Variants in LUC7L observed in about 807,000 individuals in gnomAD.
The protein encoded by LUC7L is putative RNA-binding protein Luc7-like 1.
In LUC7L, 29 loss-of-function variants were observed where a neutral mutation model predicts 51.1. That is an observed-to-expected ratio of 0.57 (90% confidence interval 0.42 to 0.77). The LOEUF (loss-of-function observed/expected upper bound fraction) is 0.77. Ranked by LOEUF, LUC7L falls within the 30% of genes least tolerant of loss-of-function variation. The probability of loss-of-function intolerance (pLI) is 0.00; values close to 1 mark genes in which losing one functional copy is unlikely to be tolerated. For synonymous variants in LUC7L, 181 were observed against 180.7 expected (o/e 1.00, Z -0.01); for missense variants, 403 against 511.9 (o/e 0.79, Z 2.05).
At chr16:210,808 T>C (rs2049615758) in intron 3 of LUC7L, among the ~76,000 whole-genome samples, 2 of 150,766 alleles carry the variant, frequency 1.3e-5, no homozygotes, top group African/African-American at 2.4e-5. Flanking sequence ...TCCCAGCACT[T>C]TGGGAGGCTG....
chr16:225,270 G>A (rs2050097865), intron 2 of LUC7L, among the ~76,000 whole-genome samples: 1 of 151,856 alleles, frequency 6.6e-6, no homozygotes, highest in Non-Finnish European at 1.5e-5. Flanking sequence ...GGTGGATCAC[G>A]AGGTCAGGAG....
chr16:199,381 T>C (rs1596613394), intron 5 of LUC7L, 143 bp from the exon 6 acceptor site: 3 of 616,886 alleles, frequency 4.9e-6, no homozygotes, highest in East Asian at 2.8e-5. Flanking sequence ...ACTTCAGATA[T>C]TTATAACCAA....
rs137924587 is a variant in LUC7L, at chr16:199,836, A to G, written c.511-598T>C. ...GAAACCCCGTCTCTACTAAAAATACAAAAATCAGCTGGGTGTGGTGGCACA... is the reference window on the plus strand; with the variant it reads ...GAAACCCCGTCTCTACTAAAAATACGAAAATCAGCTGGGTGTGGTGGCACA... On this transcript the variant is annotated intron_variant, in intron 5 of 9. Coordinates refer to ENST00000293872, the MANE Select transcript of LUC7L (RefSeq NM_201412.3). Among the ~76,000 whole-genome samples the G allele has an allele frequency of 2.3e-3, 338 of 149,690 alleles. 1 individual carries two copies. The highest frequency in any genetic ancestry group is 7.9e-3 in the African/African-American group (322 of 40,572).
chr16:221,963 C>G (rs1596678146), intron 2 of LUC7L, among the ~76,000 whole-genome samples: 1 of 152,152 alleles, frequency 6.6e-6, no homozygotes, highest in Non-Finnish European at 1.5e-5. Context: ...TACACATTTT[C>G]TTAGCCTGGG....
chr16:223,924 C>T (rs1249617672), intron 2 of LUC7L, among the ~76,000 whole-genome samples: 1 of 151,904 alleles, frequency 6.6e-6, no homozygotes, highest in Non-Finnish European at 1.5e-5. Flanking sequence ...CACCCGCCTC[C>T]TCCTCCTCCT....
chr16:217,721 ATT>A (rs35522959), intron 3 of LUC7L, among the ~76,000 whole-genome samples: 19 of 146,634 alleles, frequency 1.3e-4, no homozygotes, highest in Non-Finnish European at 1.8e-4. Flanking sequence ...AAAAAAAAAA[ATT>A]TTTTTTTTAA....
At chr16:223,465 G>A (rs1201729579) in intron 2 of LUC7L, among the ~76,000 whole-genome samples, 3 of 152,140 alleles carry the variant, frequency 2.0e-5, no homozygotes, top group Non-Finnish European at 2.9e-5. Context: ...GGCAGACAAC[G>A]GGTCTGCCTT....
At chr16:227,558 C>T (rs150870715) in intron 1 of LUC7L, 5 of 1,368,346 alleles carry the variant, frequency 3.7e-6, no homozygotes, top group Non-Finnish European at 4.7e-6. Context: ...TGAGATCTGA[C>T]TCCATCACTG....
At position 192,503 on chromosome 16, in the gene LUC7L, T is replaced by A. The variant is rs944294375; in HGVS notation, c.776+424A>T. On this transcript the variant is annotated intron_variant, in intron 7 of 9. Coordinates refer to ENST00000293872, the MANE Select transcript of LUC7L (RefSeq NM_201412.3). ...TTGTTGGACTGAATATGCTGTTTAC[T>A]TTTTTTTTTTTTTTTTTTGGTTGAG... Among the ~76,000 whole-genome samples the A allele has an allele frequency of 2.2e-4, 8 of 36,568 alleles. No homozygotes were observed. In the South Asian group the frequency reaches 5.1e-3, roughly 23 times the overall value. 24.0% of individuals were successfully genotyped at this position (36,568 alleles called of 152,430 possible).
intron 1 of LUC7L, chr16:228,917 C>G: frequency 7.3e-7 from 1 of 1,362,450 alleles, no homozygotes; most frequent in South Asian, 1.2e-5. Flanking sequence ...GTTCTGCCAC[C>G]CGGCTGCCAG....
chr16:223,932 C>G (rs751534516), intron 2 of LUC7L, among the ~76,000 whole-genome samples: 1 of 152,040 alleles, frequency 6.6e-6, no homozygotes, highest in Non-Finnish European at 1.5e-5. Flanking sequence ...TCCTCCTCCT[C>G]CTCCCGAAGT....
At chr16:217,606 C>A (rs2049840899) in intron 3 of LUC7L, among the ~76,000 whole-genome samples, 1 of 151,658 alleles carries the variant, frequency 6.6e-6, no homozygotes, top group Non-Finnish European at 1.5e-5. Flanking sequence ...ACTCAGGAGG[C>A]TGAGGCAGGA....
At position 216,221 on chromosome 16, in the gene LUC7L, C is replaced by T. The variant is rs374680137; in HGVS notation, c.255+4428G>A. Among the ~76,000 whole-genome samples the T allele has an allele frequency of 2.6e-5, 4 of 151,792 alleles. No homozygotes were observed. The South Asian group carries it at 6.2e-4, about 24-fold the overall frequency. On this transcript the variant is annotated intron_variant, in intron 3 of 9. Transcript: ENST00000293872. ...TTCTCCATGATGGTCAGGCTGGTCT[C>T]GAACTCCCGACCTCAGGTGATCTGC...
At chr16:206,326 A>G (rs2049483116) in intron 4 of LUC7L, among the ~76,000 whole-genome samples, 179 bp from the exon 5 acceptor site, 1 of 152,224 alleles carries the variant, frequency 6.6e-6, no homozygotes, top group South Asian at 2.1e-4. Flanking sequence ...AACGAGTCCT[A>G]TGTTCCAATG....
Position 191,996 on chromosome 16 carries a change from AG to A in LUC7L, c.776+930del, listed in dbSNP as rs563188379. Among the ~76,000 whole-genome samples the A allele has an allele frequency of 2.4e-3, 368 of 152,234 alleles. 3 individuals are homozygous for A. The highest frequency in any genetic ancestry group is 8.4e-3 in the African/African-American group (349 of 41,534). ...TCTTTGAACTCCAAACAGACTCAAC[AG>A]CCCCACCTCAAGATGGCCTCTCAAG... On this transcript the variant is annotated intron_variant, in intron 7 of 9. Transcript: ENST00000293872.
chr16:223,467 G>A (rs984300742), intron 2 of LUC7L, among the ~76,000 whole-genome samples: 2 of 152,144 alleles, frequency 1.3e-5, no homozygotes, highest in African/African-American at 4.8e-5. Context: ...CAGACAACGG[G>A]TCTGCCTTGT....
intron 6 of LUC7L, among the ~76,000 whole-genome samples, chr16:193,430 C>T (rs1406003673): frequency 6.6e-6 from 1 of 151,158 alleles, no homozygotes; most frequent in Non-Finnish European, 1.5e-5. Flanking sequence ...CAGGCATGAG[C>T]CACCGCGCCC....
At chr16:199,024 A>G (rs975320754) in intron 6 of LUC7L, 38 bp downstream of exon 6, 1 of 1,560,692 alleles carries the variant, frequency 6.4e-7, no homozygotes, top group Non-Finnish European at 8.7e-7. Context: ...AAAACACCCC[A>G]AGACTCCTCA....
intron 6 of LUC7L, among the ~76,000 whole-genome samples, chr16:197,310 T>G (rs1461183254): frequency 6.8e-6 from 1 of 146,634 alleles, no homozygotes; most frequent in Non-Finnish European, 1.5e-5. Flanking sequence ...GCCTCCCAGG[T>G]CAAGCAATTA....
Sources: allele counts gnomAD v4.1 joint callset (sites outside exome capture counted in the v4.1 genomes callset), GRCh38; gene constraint gnomAD v4.1.1; transcripts MANE v1.5; gene names NCBI Gene and HGNC (gene_info 2026-07-23, HGNC 2026-07-21).